GPHN: variants seen among roughly 807,000 people sequenced by gnomAD.
GPHN encodes gephyrin.
Under a neutral mutation model 95.5 loss-of-function variants are expected in GPHN, and 17 were observed. The ratio of observed to expected loss-of-function variants is 0.18; its 90% CI spans 0.12 to 0.27. The LOEUF (loss-of-function observed/expected upper bound fraction) is 0.27, where lower values mean the gene tolerates loss of function less well. Ranked by LOEUF, GPHN falls within the 10% of genes least tolerant of loss-of-function variation. The pLI, the probability that GPHN is intolerant of heterozygous loss-of-function variation, is 1.00. For synonymous variants in GPHN, 320 were observed against 322.5 expected, an observed-to-expected ratio of 0.99 and a Z score of 0.08; for missense variants, 660 against 978.1, an observed-to-expected ratio of 0.67 and a Z score of 4.34.
the GPHN span, among the ~76,000 whole-genome samples, chr14:67,524,157 T>C: frequency 6.6e-6 from 1 of 152,096 alleles, no homozygotes; most frequent in Non-Finnish European, 1.5e-5. Context: ...TTTTAATAAG[T>C]GAAATCTCAT....
Position 66,939,858 on chromosome 14 carries a change from G to A in GPHN, c.828+15566G>A, listed in dbSNP as rs552734853. On this transcript the variant is annotated intron_variant, in intron 8 of 22. Transcript: ENST00000478722. ...AGGGTCCCCAACAAAAGGGACCATC[G>A]GCCAAGCCTCCAGTTGCATGACCGT... 1.6e-3 allele frequency among the ~76,000 whole-genome samples: 249 copies of A among 152,196 alleles called. 6 individuals carry two copies. Among genetic ancestry groups the A allele is most frequent in the South Asian group, 5.4e-3 (26 of 4,812 alleles).
intron 1 of GPHN, among the ~76,000 whole-genome samples, chr14:66,654,423 A>G (rs964378858): frequency 6.6e-6 from 1 of 152,078 alleles, no homozygotes; most frequent in African/African-American, 2.4e-5. Flanking sequence ...ACATTTTCCT[A>G]ATGCCTAAGA....
intron 10 of GPHN, among the ~76,000 whole-genome samples, chr14:67,042,842 T>C (rs2074783952): frequency 6.6e-6 from 1 of 152,218 alleles, no homozygotes; most frequent in South Asian, 2.1e-4. Context: ...TTTCATGATA[T>C]TGGTTCTTCC....
At chr14:66,848,156 T>TG (rs2062416688) in intron 4 of GPHN, among the ~76,000 whole-genome samples, 1 of 152,106 alleles carries the variant, frequency 6.6e-6, no homozygotes, top group Non-Finnish European at 1.5e-5. Flanking sequence ...TTAGTACTTA[T>TG]GAAGAAATTT....
chr14:67,383,410 A>T, the GPHN span: 1 of 1,613,688 alleles, frequency 6.2e-7, no homozygotes, highest in Non-Finnish European at 8.5e-7. Context: ...ATGATGATGC[A>T]GAAGAAATGG....
chr14:67,667,425 AAC>A, the GPHN span, among the ~76,000 whole-genome samples: 1 of 152,204 alleles, frequency 6.6e-6, no homozygotes, highest in East Asian at 1.9e-4. Context: ...AGTTAAAAGC[AAC>A]AGAGATCCCT....
the GPHN span, chr14:67,221,915 C>T: frequency 7.3e-7 from 1 of 1,367,370 alleles, no homozygotes; most frequent in East Asian, 2.4e-5. Flanking sequence ...TTCAGCTAGA[C>T]TTTTTGATGC....
At chr14:66,566,456 G>C (rs1163971761) in intron 1 of GPHN, among the ~76,000 whole-genome samples, 1 of 152,136 alleles carries the variant, frequency 6.6e-6, no homozygotes, top group Admixed American at 6.5e-5. Context: ...CCGAGGAATT[G>C]TATTGACAGG....
At chr14:66,734,515 G>A (rs2072081795) in intron 2 of GPHN, among the ~76,000 whole-genome samples, 1 of 152,122 alleles carries the variant, frequency 6.6e-6, no homozygotes. Flanking sequence ...CTTGTCTAAA[G>A]TGACCTCAAG....
At chr14:67,340,521 A>G in the GPHN span, 2 of 1,562,500 alleles carry the variant, frequency 1.3e-6, no homozygotes, top group African/African-American at 2.1e-5. Context: ...AATGATGACT[A>G]GAATAAAAAA....
chr14:66,774,369 T>A (rs1165232558), intron 2 of GPHN, among the ~76,000 whole-genome samples: 1 of 152,162 alleles, frequency 6.6e-6, no homozygotes, highest in African/African-American at 2.4e-5. Context: ...TGTTATTTCC[T>A]CAAAGTGCTG....
At chr14:67,585,348 T>C in the GPHN span, 2 of 533,998 alleles carry the variant, frequency 3.7e-6, no homozygotes, top group South Asian at 4.2e-5. Context: ...TTGAGATGGT[T>C]AGTAGGTGGC....
chr14:66,767,233 AC>A (rs992010463), intron 2 of GPHN, among the ~76,000 whole-genome samples: 10 of 152,090 alleles, frequency 6.6e-5, no homozygotes, highest in African/African-American at 2.4e-4. Flanking sequence ...GTCCCCTCAG[AC>A]TTCTAATGGG....
chr14:67,283,538 T>G, the GPHN span, among the ~76,000 whole-genome samples: 1 of 152,226 alleles, frequency 6.6e-6, no homozygotes, highest in African/African-American at 2.4e-5. Flanking sequence ...ACTATCAAAT[T>G]TTTGTTTAGC....
the GPHN span, chr14:67,388,233 C>G: frequency 6.2e-7 from 1 of 1,610,792 alleles, no homozygotes; most frequent in Non-Finnish European, 8.5e-7. Context: ...CCAGTGGGAA[C>G]GCCATTATCT....
intron 1 of GPHN, among the ~76,000 whole-genome samples, chr14:66,590,692 C>T (rs2061603647): frequency 1.3e-5 from 2 of 152,122 alleles, no homozygotes; most frequent in Non-Finnish European, 2.9e-5. Context: ...TACCCAGGAC[C>T]AGACAGATTC....
intron 9 of GPHN, among the ~76,000 whole-genome samples, chr14:67,017,169 A>G (rs2073360634): frequency 6.6e-6 from 1 of 152,140 alleles, no homozygotes; most frequent in Admixed American, 6.5e-5. Context: ...GTGCTGTGAT[A>G]TCATAAATCT....
intron 10 of GPHN, among the ~76,000 whole-genome samples, chr14:67,032,109 G>A (rs1459807633): frequency 1.3e-5 from 2 of 152,170 alleles, no homozygotes; most frequent in Admixed American, 6.5e-5. Context: ...CTTTACCTGT[G>A]ATAGTCCCTC....
At chr14:66,827,518 A>G (rs981354429) in intron 4 of GPHN, among the ~76,000 whole-genome samples, 2 of 152,232 alleles carry the variant, frequency 1.3e-5, no homozygotes, top group African/African-American at 4.8e-5. Flanking sequence ...CTATTTACCA[A>G]GGTGGCTGTG....
Sources: allele counts gnomAD v4.1 joint callset (sites outside exome capture counted in the v4.1 genomes callset), GRCh38; gene constraint gnomAD v4.1.1; transcripts MANE v1.5; gene names NCBI Gene and HGNC (gene_info 2026-07-23, HGNC 2026-07-21).